EPB41L2: variants seen among roughly 807,000 people sequenced by gnomAD.
EPB41L2 encodes the protein erythrocyte membrane protein band 4.1 like 2.
A neutral mutation model predicts 113.0 loss-of-function variants in EPB41L2; 43 were observed. The observed-to-expected ratio is 0.38, with a 90% CI of 0.30 to 0.49. The LOEUF (loss-of-function observed/expected upper bound fraction) is 0.49. Ranked by LOEUF, EPB41L2 falls within the 20% of genes least tolerant of loss-of-function variation. The pLI is 0.95. For synonymous variants in EPB41L2, 442 were observed against 436.7 expected (o/e 1.01, Z -0.15); for missense variants, 1,147 against 1,223.4 (o/e 0.94, Z 0.93).
chr6:130,887,989 A>G (rs4895898), intron 11 of EPB41L2, among the ~76,000 whole-genome samples: 117,556 of 152,112 alleles, frequency 0.77, 46,000 homozygotes, highest in East Asian at 1. Context: ...ATTGAATCCC[A>G]CTTTTCACTT....
intron 1 of EPB41L2, among the ~76,000 whole-genome samples, chr6:131,021,078 A>G (rs1855077): frequency 0.78 from 118,534 of 152,088 alleles, 46,680 homozygotes; most frequent in African/African-American, 0.88. Context: ...GATTACAGGC[A>G]TGAGCCACCA....
intron 19 of EPB41L2, among the ~76,000 whole-genome samples, chr6:130,853,942 C>G (rs922391003): frequency 6.6e-6 from 1 of 152,196 alleles, no homozygotes; most frequent in Admixed American, 6.5e-5. Flanking sequence ...ACACTCTTCC[C>G]AGATCTGACA....
chr6:131,046,109 C>T (rs1209203101), intron 1 of EPB41L2, among the ~76,000 whole-genome samples: 11 of 136,046 alleles, frequency 8.1e-5, no homozygotes, highest in African/African-American at 2.8e-4. Context: ...TTAGTAGAGA[C>T]ATGGTTTCAC....
At chr6:131,023,446 A>C (rs762038554) in intron 1 of EPB41L2, among the ~76,000 whole-genome samples, 51 of 152,268 alleles carry the variant, frequency 3.3e-4, no homozygotes, top group South Asian at 1.2e-3. Context: ...GCACTTTGGG[A>C]GGCCGAGGCG....
intron 14 of EPB41L2, among the ~76,000 whole-genome samples, chr6:130,875,998 AG>A (rs1189371894): frequency 6.7e-6 from 1 of 150,086 alleles, no homozygotes; most frequent in East Asian, 2.0e-4. Flanking sequence ...AAAAAAAAAA[AG>A]AAGAAAGAAA....
intron 1 of EPB41L2, among the ~76,000 whole-genome samples, chr6:131,056,093 A>G (rs1797525115): frequency 6.6e-6 from 1 of 152,220 alleles, no homozygotes; most frequent in Non-Finnish European, 1.5e-5. Context: ...TTTATATGAA[A>G]CCTGATTTCT....
At chr6:130,854,140 T>G (rs1431817748) in intron 19 of EPB41L2, among the ~76,000 whole-genome samples, 3 of 152,226 alleles carry the variant, frequency 2.0e-5, no homozygotes, top group African/African-American at 4.8e-5. Context: ...TCTCCTATTT[T>G]GTTCTCTCAT....
At chr6:130,934,092 A>C (rs564393182) in intron 3 of EPB41L2, among the ~76,000 whole-genome samples, 28 of 152,208 alleles carry the variant, frequency 1.8e-4, no homozygotes, top group Non-Finnish European at 3.2e-4. Flanking sequence ...CAACTGATAC[A>C]TTGTTGGGGG....
At chr6:131,032,051 A>C (rs1792262005) in intron 1 of EPB41L2, among the ~76,000 whole-genome samples, 1 of 152,218 alleles carries the variant, frequency 6.6e-6, no homozygotes, top group Non-Finnish European at 1.5e-5. Context: ...TTGAAGAGAA[A>C]ACTACTCAAA....
intron 12 of EPB41L2, among the ~76,000 whole-genome samples, chr6:130,884,046 AC>A (rs1187508361): frequency 1.3e-5 from 2 of 152,140 alleles, no homozygotes; most frequent in Non-Finnish European, 2.9e-5. Flanking sequence ...TTTAGAAAAC[AC>A]TATACGGCCG....
chr6:130,989,392 T>A (rs1053701533), intron 1 of EPB41L2, among the ~76,000 whole-genome samples: 1 of 152,084 alleles, frequency 6.6e-6, no homozygotes, highest in African/African-American at 2.4e-5. Context: ...CTGCTCTCTC[T>A]CCCTCAAAGA....
intron 1 of EPB41L2, among the ~76,000 whole-genome samples, chr6:131,045,946 C>G (rs1003060275): frequency 9.1e-5 from 12 of 131,780 alleles, no homozygotes; most frequent in Admixed American, 3.2e-4. Context: ...TTTTCTTTCT[C>G]TCTTTTTTTT....
chr6:130,973,027 G>T (rs540054026), intron 1 of EPB41L2, among the ~76,000 whole-genome samples: 1 of 150,788 alleles, frequency 6.6e-6, no homozygotes, highest in South Asian at 2.1e-4. Flanking sequence ...CAGAAGAATC[G>T]CTTGAACCCG....
rs112548592 is a variant in EPB41L2, at chr6:130,859,483, C to A, written c.2911-1240G>T. ...CCAAGACTGCACCACTGCACTCCAG[C>A]CTGGGCAACAGAGTGAGACTTTGTC... On this transcript the variant is annotated intron_variant, in intron 18 of 19. Coordinates refer to ENST00000337057, the MANE Select transcript of EPB41L2 (RefSeq NM_001431.4). Among the ~76,000 whole-genome samples, 1,245 of 150,292 alleles carry A rather than the reference C, an allele frequency of 8.3e-3. 28 individuals are homozygous for A. Among genetic ancestry groups the A allele is most frequent in the African/African-American group, 0.029 (1,198 of 40,824 alleles).
At chr6:130,928,865 C>G (rs937999892) in intron 3 of EPB41L2, among the ~76,000 whole-genome samples, 2 of 152,206 alleles carry the variant, frequency 1.3e-5, no homozygotes, top group African/African-American at 4.8e-5. Flanking sequence ...TAATAGCTAC[C>G]TCAGAGCTCA....
chr6:130,874,565 T>C (rs1224211961), intron 14 of EPB41L2, among the ~76,000 whole-genome samples: 1 of 152,120 alleles, frequency 6.6e-6, no homozygotes, highest in East Asian at 1.9e-4. Flanking sequence ...AAAGATACAA[T>C]GTAGGTGGTC....
chr6:130,991,519 ATC>A (rs1297358124), intron 1 of EPB41L2, among the ~76,000 whole-genome samples: 1 of 152,202 alleles, frequency 6.6e-6, no homozygotes, highest in African/African-American at 2.4e-5. Context: ...ACCCTCATAA[ATC>A]TAATCCTACA....
intron 1 of EPB41L2, among the ~76,000 whole-genome samples, chr6:130,958,582 C>T (rs1428051927): frequency 6.6e-6 from 1 of 151,116 alleles, no homozygotes; most frequent in Non-Finnish European, 1.5e-5. Flanking sequence ...TAAATGGGTA[C>T]TCATTATTCA....
At chr6:131,016,996 A>T (rs1788390605) in intron 1 of EPB41L2, among the ~76,000 whole-genome samples, 1 of 152,164 alleles carries the variant, frequency 6.6e-6, no homozygotes, top group South Asian at 2.1e-4. Context: ...TTCAGCAATA[A>T]ATCTGCTGCA....
Sources: gnomAD v4.1 joint callset for allele counts (sites outside exome capture counted in the v4.1 genomes callset) on GRCh38, gnomAD v4.1.1 for gene constraint, MANE v1.5 for transcripts, NCBI Gene and HGNC (gene_info 2026-07-23, HGNC 2026-07-21) for gene names.